The following AP3M2 variants were observed in gnomAD, a reference collection of about 807,000 sequenced individuals.
The protein encoded by AP3M2 is adaptor related protein complex 3 subunit mu 2.
AP3M2 carries 28 observed loss-of-function variants against 41.6 expected under a neutral mutation model. The observed-to-expected ratio is 0.67, with a 90% CI of 0.50 to 0.92. The LOEUF is 0.92. Among genes scored for constraint, AP3M2 ranks in the 40% least tolerant of loss-of-function variants. The pLI, the probability that AP3M2 is intolerant of heterozygous loss-of-function variation, is 0.00. For missense variants in AP3M2, 427 were observed against 521.4 expected (o/e 0.82, Z 1.76); for synonymous variants, 193 against 186.4 (o/e 1.04, Z -0.29).
Position 42,169,353 on chromosome 8 carries a change from C to A in AP3M2, c.*292C>A. On this transcript the variant is annotated 3_prime_UTR_variant, in exon 9 of 9. Transcript: ENST00000396926. ...TTAAACGTGGTTTCTATAGGAAAGA[C>A]CAACATTTGTTTAGCTTGCTTGGCT... The A allele has an allele frequency of 4.2e-6, 1 of 238,754 alleles. No homozygotes were observed. Among genetic ancestry groups the A allele is most frequent in the Non-Finnish European group, 8.0e-6 (1 of 125,254 alleles). 14.8% of individuals were successfully genotyped at this position (238,754 alleles called of 1,614,324 possible). A position where few individuals can be genotyped will look rare whatever the true frequency, so the allele number is the denominator to read the frequency against.
intron 1 of AP3M2, chr8:42,154,302 G>C (rs1215692943): frequency 5.4e-6 from 1 of 185,110 alleles, no homozygotes; most frequent in Non-Finnish European, 1.1e-5. Context: ...TTGCAGTCAG[G>C]CAACGCAAAA....
intron 3 of AP3M2, among the ~76,000 whole-genome samples, chr8:42,158,886 C>T (rs1465375372): frequency 6.6e-6 from 1 of 151,492 alleles, no homozygotes; most frequent in Non-Finnish European, 1.5e-5. Context: ...CTCCGCCTCC[C>T]AGGCTCAAGC....
chr8:42,161,961 A>G (rs1297433723), intron 3 of AP3M2: 1 of 191,784 alleles, frequency 5.2e-6, no homozygotes, highest in Non-Finnish European at 1.1e-5. Context: ...TACGAACTCT[A>G]CTGAAAGCCA....
intron 4 of AP3M2, among the ~76,000 whole-genome samples, chr8:42,164,130 A>C (rs1312660407): frequency 4.6e-5 from 7 of 152,242 alleles, no homozygotes; most frequent in Non-Finnish European, 1.0e-4. Flanking sequence ...AGAGGAATGC[A>C]CAGACCAGAG....
chr8:42,163,667 A>G (rs1474822685), intron 4 of AP3M2, among the ~76,000 whole-genome samples: 1 of 152,246 alleles, frequency 6.6e-6, no homozygotes, highest in Non-Finnish European at 1.5e-5. Flanking sequence ...TTACATGTAT[A>G]TGAAGTTTGA....
At chr8:42,154,371 C>T (rs949006349) in intron 1 of AP3M2, 1 of 226,132 alleles carries the variant, frequency 4.4e-6, no homozygotes, top group Non-Finnish European at 8.8e-6. Flanking sequence ...AATAGACACC[C>T]ACAGATAAGT....
rs151272027 is a variant in AP3M2 at position 42,165,479 on chromosome 8, G to T, written c.722G>T (p.Arg241Leu). 6.2e-7 allele frequency: 1 copy of T among 1,614,030 alleles called. No homozygotes were observed. ...VSFHPCVRFK[R>L]WESERILSFI... is the part of the protein sequence containing the mutation. ...TTCCATCCTTGTGTTCGTTTCAAAC[G>T]CTGGGAATCTGAGCGCATCCTCTCC... The change falls in exon 6 of 9, where the codon CGC becomes CTC. Residue 241 changes from arginine to leucine, a missense_variant. This residue lies in a region of AP3M2 where 237 missense variants were observed against 284.9 expected (regional missense o/e 0.83). Transcript: ENST00000396926.
At position 42,154,964 on chromosome 8, in the gene AP3M2, C is replaced by CGTGAAT. The variant is rs763884644; in HGVS notation, c.273+8_273+13dup. On this transcript the variant is annotated splice_donor_region_variant and intron_variant, in intron 2 of 8. Coordinates refer to ENST00000396926, the MANE Select transcript of AP3M2 (RefSeq NM_006803.4). ...CCGAGTGGTGGACACATTTCAGGTT[C>CGTGAAT]GTGAATGTGGGAAAGTTCATATATG... is the stretch of plus-strand genomic sequence containing the variant. The CGTGAAT allele has an allele frequency of 6.2e-7, 1 of 1,610,912 alleles. No homozygotes were observed. The highest frequency in any genetic ancestry group is 8.5e-7 in the Non-Finnish European group (1 of 1,177,562).
chr8:42,161,793 A>T (rs1014948339), intron 3 of AP3M2, among the ~76,000 whole-genome samples: 5 of 152,232 alleles, frequency 3.3e-5, no homozygotes. Flanking sequence ...GGAGAGATCA[A>T]CTTTGTGTTC....
intron 3 of AP3M2, among the ~76,000 whole-genome samples, chr8:42,161,502 G>A (rs1360466581): frequency 2.0e-5 from 3 of 151,692 alleles, no homozygotes; most frequent in Non-Finnish European, 4.4e-5. Flanking sequence ...CCAGCTACTC[G>A]GGAGGCTGAG....
chr8:42,165,751 A>G (rs1804623419), intron 6 of AP3M2, 191 bp downstream of exon 6: 1 of 564,704 alleles, frequency 1.8e-6, no homozygotes, highest in African/African-American at 1.9e-5. Flanking sequence ...GTAAATTGAA[A>G]ATAATAAAAG....
chr8:42,169,121 G>A lies in AP3M2; in HGVS notation c.*60G>A. On this transcript the variant is annotated 3_prime_UTR_variant, in exon 9 of 9. Coordinates refer to ENST00000396926, the MANE Select transcript of AP3M2 (RefSeq NM_006803.4). The stretch of plus-strand genomic sequence containing the variant: ...TTTTTCATTTCTTACTTGTCTAAAA[G>A]TAAAAAAAAATATCAGCCTGTCTCC... The A allele has an allele frequency of 7.0e-7, 1 of 1,434,180 alleles. No homozygotes were observed. Among genetic ancestry groups the A allele is most frequent in the Admixed American group, 2.0e-5 (1 of 50,376 alleles). 88.8% of individuals were successfully genotyped at this position (1,434,180 alleles called of 1,614,324 possible).
intron 4 of AP3M2, among the ~76,000 whole-genome samples, chr8:42,162,921 G>A (rs1389464226): frequency 7.9e-6 from 1 of 127,382 alleles, no homozygotes; most frequent in Admixed American, 9.9e-5. Flanking sequence ...ACTCCAGCCT[G>A]GGCAACAGCA....
Position 42,154,668 on chromosome 8 carries a change from T to C in AP3M2, c.-20T>C, listed in dbSNP as rs35071361. The stretch of plus-strand genomic sequence containing the variant: ...TTTCAGACTGAAAAAGGCTTTCTTC[T>C]GTCACTGACAATCGCCACCATGATC... On this transcript the variant is annotated 5_prime_UTR_variant, in exon 2 of 9. Transcript: ENST00000396926. 0.018 allele frequency: 29,676 copies of C among 1,610,410 alleles called. 366 individuals carry two copies. Among genetic ancestry groups the C allele is most frequent in the Non-Finnish European group, 0.02 (24,116 of 1,177,946 alleles).
intron 6 of AP3M2, 70 bp from the exon 7 acceptor site, chr8:42,167,094 A>G (rs1429985075): frequency 5.0e-6 from 7 of 1,392,302 alleles, no homozygotes; most frequent in African/African-American, 1.4e-5. Flanking sequence ...CAGAAAAAGC[A>G]TCATGTGAAA....
Position 42,154,831 on chromosome 8 carries a change from T to C in AP3M2, c.144T>C (p.Val48=). The C allele has an allele frequency of 6.2e-7, 1 of 1,614,170 alleles. No homozygotes were observed. Among genetic ancestry groups the C allele is most frequent in the Non-Finnish European group, 8.5e-7 (1 of 1,180,028 alleles). ...CTGAGGCAGAAAATGTGCCTCCGGT[T>C]ATCCCTACCCCTCACCACTATCTCT... is the stretch of plus-strand genomic sequence containing the variant. ...RATEAENVPP[V]IPTPHHYLLS... Residue 48 remains valine, a synonymous_variant, in exon 2 of 9, where the codon GTT becomes GTC. Transcript: ENST00000396926.
intron 5 of AP3M2, 80 bp downstream of exon 5, chr8:42,165,236 T>C: frequency 1.3e-6 from 2 of 1,499,096 alleles, no homozygotes; most frequent in Non-Finnish European, 9.1e-7. Context: ...GGGAATGGAA[T>C]AGAACAAGAA....
In AP3M2 at chr8:42,167,763, A is replaced by G. The variant is rs999765962; in HGVS notation, c.1109A>G (p.Asn370Ser). The change falls in exon 8 of 9, where the codon AAC (asparagine) becomes AGC (serine). Residue 370 changes from asparagine to serine, a missense_variant. Asn to Ser is a conservative substitution (Grantham distance 46). This residue lies in a region of AP3M2 where 237 missense variants were observed against 284.9 expected (regional missense o/e 0.83). Transcript: ENST00000396926. ...LQAGASKPDE[N>S]PTINLQFKIQ... ...GCTGGAGCTTCCAAACCAGATGAAAACCCCACAATTAACCTGCAGTTTAAG... is the reference window on the plus strand; with the variant it reads ...GCTGGAGCTTCCAAACCAGATGAAAGCCCCACAATTAACCTGCAGTTTAAG... 3 of 1,613,782 alleles carry G rather than the reference A, an allele frequency of 1.9e-6. No homozygotes were observed. Among genetic ancestry groups the G allele is most frequent in the Non-Finnish European group, 2.5e-6 (3 of 1,179,946 alleles).
rs750147510 is a variant in AP3M2, at chr8:42,167,816, T to C, written c.1156+6T>C. 24 of 1,611,050 alleles carry C rather than the reference T, an allele frequency of 1.5e-5. No homozygotes were observed. In the South Asian group the frequency reaches 2.4e-4, roughly 16 times the overall value. ...CCAGCAGCTGGCCATTTCTGGTAAG[T>C]GACCCAGAGCTCAAGAGGCTCCAAA... On this transcript the variant is annotated splice_donor_region_variant and intron_variant, in intron 8 of 8. Transcript: ENST00000396926.
Sources: gnomAD v4.1 joint callset for allele counts (sites outside exome capture counted in the v4.1 genomes callset) on GRCh38, gnomAD v4.1.1 for gene constraint, gnomAD v4.1.1 regional missense constraint, MANE v1.5 for transcripts, NCBI Gene and HGNC (gene_info 2026-07-23, HGNC 2026-07-21) for gene names.